Variants in FBXO36 observed in about 807,000 individuals in gnomAD.
FBXO36 encodes the protein F-box protein 36.
FBXO36 carries 18 observed loss-of-function variants against 17.0 expected under a neutral mutation model. The ratio of observed to expected loss-of-function variants is 1.06; its 90% CI spans 0.73 to 1.57. FBXO36 has a LOEUF of 1.57. Among genes scored for constraint, FBXO36 ranks in the 40% most tolerant of loss-of-function variants. FBXO36 has a pLI of 0.00. For missense variants in FBXO36, 229 were observed against 221.9 expected, an observed-to-expected ratio of 1.03 and a Z score of -0.20; for synonymous variants, 83 against 85.3, an observed-to-expected ratio of 0.97 and a Z score of 0.15.
chr2:229,971,767 C>T (rs569120260), intron 1 of FBXO36, among the ~76,000 whole-genome samples: 5 of 152,026 alleles, frequency 3.3e-5, no homozygotes, highest in African/African-American at 7.2e-5. Flanking sequence ...TGGCTCACCA[C>T]GGCCTCAACC....
At chr2:229,996,711 G>T in intron 2 of FBXO36, 40 bp from the exon 3 acceptor site, 2 of 1,556,122 alleles carry the variant, frequency 1.3e-6, no homozygotes, top group South Asian at 2.5e-5. Flanking sequence ...ATTTTTATGT[G>T]ACTGTATATG....
Position 229,947,019 on chromosome 2 carries a change from T to A in FBXO36, c.96+24410T>A, listed in dbSNP as rs543173658. ...CCGTCTCTACTAAAAATACAAAAAA[T>A]TAGCTGGGCATGGTGGCAGGTGCCT... is the stretch of plus-strand genomic sequence containing the variant. On this transcript the variant is annotated intron_variant, in intron 1 of 3. Coordinates refer to ENST00000283946, the MANE Select transcript of FBXO36 (RefSeq NM_174899.5). Among the ~76,000 whole-genome samples, 8 of 151,990 alleles carry A rather than the reference T, an allele frequency of 5.3e-5. No homozygotes were observed. The East Asian group carries it at 1.6e-3, about 29-fold the overall frequency.
intron 1 of FBXO36, among the ~76,000 whole-genome samples, chr2:229,924,381 C>G (rs1207677861): frequency 6.6e-6 from 1 of 152,234 alleles, no homozygotes; most frequent in Non-Finnish European, 1.5e-5. Flanking sequence ...ACTTGAGCCA[C>G]CGAGCCTGGC....
intron 2 of FBXO36, among the ~76,000 whole-genome samples, chr2:229,988,410 C>T (rs771280836): frequency 2.0e-5 from 3 of 152,138 alleles, no homozygotes; most frequent in Non-Finnish European, 4.4e-5. Flanking sequence ...TTCTGGTACC[C>T]GTTTTTTACA....
chr2:229,986,584 G>T (rs1052412152), intron 2 of FBXO36, among the ~76,000 whole-genome samples: 87 of 150,216 alleles, frequency 5.8e-4, no homozygotes, highest in African/African-American at 2.1e-3. Context: ...GCCTAGGCTG[G>T]AGTGCAGTGG....
At chr2:229,939,356 C>T in intron 1 of FBXO36, 1 of 698,038 alleles carries the variant, frequency 1.4e-6, no homozygotes, top group Non-Finnish European at 1.8e-6. Flanking sequence ...ATGAGTCTTC[C>T]TCCTGTCTAA....
At chr2:230,008,957 G>A (rs2077401058) in intron 3 of FBXO36, among the ~76,000 whole-genome samples, 2 of 152,210 alleles carry the variant, frequency 1.3e-5, no homozygotes, top group South Asian at 2.1e-4. Flanking sequence ...TATAATAGCT[G>A]TTGTGTTGAT....
rs1185294721 is a variant in FBXO36 at position 230,007,126 on chromosome 2, C to T, written c.379-3570C>T. 2.0e-5 allele frequency among the ~76,000 whole-genome samples: 3 copies of T among 152,368 alleles called. No individual in the cohort carries two copies. In the East Asian group the frequency reaches 5.8e-4, roughly 29 times the overall value. ...ACTGAGACAAGTTCACCAAGGTGTG[C>T]TGCCATTTGGGCACCTGCCTGGGGT... is the stretch of plus-strand genomic sequence containing the variant. On this transcript the variant is annotated intron_variant, in intron 3 of 3. Transcript: ENST00000283946.
intron 1 of FBXO36, among the ~76,000 whole-genome samples, chr2:229,928,823 T>G (rs182520637): frequency 2.0e-5 from 3 of 152,180 alleles, no homozygotes; most frequent in Admixed American, 2.0e-4. Flanking sequence ...TGTGTAGTGG[T>G]GCAGTCAGCT....
intron 2 of FBXO36, 81 bp from the exon 3 acceptor site, chr2:229,996,670 T>A (rs1314489986): frequency 6.9e-7 from 1 of 1,440,258 alleles, no homozygotes; most frequent in Non-Finnish European, 9.4e-7. Flanking sequence ...AAAAATGCCC[T>A]GAAGCTTGTA....
intron 1 of FBXO36, among the ~76,000 whole-genome samples, chr2:229,924,303 G>C (rs1378139244): frequency 6.6e-6 from 1 of 151,840 alleles, no homozygotes; most frequent in African/African-American, 2.4e-5. Context: ...ATTTTGGCCA[G>C]AGTGGTCTCC....
intron 2 of FBXO36, among the ~76,000 whole-genome samples, chr2:229,987,088 C>T (rs1485459041): frequency 2.0e-5 from 3 of 151,412 alleles, no homozygotes; most frequent in Non-Finnish European, 2.9e-5. Flanking sequence ...GGCGTGTTGG[C>T]GCACAACTGT....
chr2:229,961,975 G>A (rs2077123714), intron 1 of FBXO36, among the ~76,000 whole-genome samples: 1 of 152,076 alleles, frequency 6.6e-6, no homozygotes, highest in Non-Finnish European at 1.5e-5. Context: ...GAGGCCAGGA[G>A]TTTGAGACCA....
intron 1 of FBXO36, among the ~76,000 whole-genome samples, chr2:229,975,693 C>CTAGA (rs2077204331): frequency 6.6e-6 from 1 of 151,998 alleles, no homozygotes; most frequent in Non-Finnish European, 1.5e-5. Flanking sequence ...CCAAGCTGAT[C>CTAGA]TAGAACTCCC....
At chr2:229,986,591 G>T (rs2077269584) in intron 2 of FBXO36, among the ~76,000 whole-genome samples, 1 of 148,304 alleles carries the variant, frequency 6.7e-6, no homozygotes, top group African/African-American at 2.5e-5. Context: ...CTGGAGTGCA[G>T]TGGTGCCATC....
At chr2:230,005,777 C>T (rs547777878) in intron 3 of FBXO36, among the ~76,000 whole-genome samples, 1 of 152,304 alleles carries the variant, frequency 6.6e-6, no homozygotes, top group East Asian at 1.9e-4. Flanking sequence ...CAGTGATTCT[C>T]CTGCCTCAGC....
chr2:230,003,041 G>A (rs906756423), intron 3 of FBXO36, among the ~76,000 whole-genome samples: 3 of 151,492 alleles, frequency 2.0e-5, no homozygotes, highest in Non-Finnish European at 2.9e-5. Context: ...TGAAACCCCC[G>A]TCTCTACCAA....
At chr2:229,988,828 G>GT (rs11321192) in intron 2 of FBXO36, among the ~76,000 whole-genome samples, 2,208 of 129,144 alleles carry the variant, frequency 0.017, 34 homozygotes, top group South Asian at 0.041. Flanking sequence ...ATGCTGGCCT[G>GT]TTTTTTTTTT....
At chr2:229,956,576 C>T (rs1224467534) in intron 1 of FBXO36, among the ~76,000 whole-genome samples, 1 of 152,162 alleles carries the variant, frequency 6.6e-6, no homozygotes, top group African/African-American at 2.4e-5. Context: ...CAGGTGACAA[C>T]TCGTGACAAA....
Sources: gnomAD v4.1 joint callset for allele counts (sites outside exome capture counted in the v4.1 genomes callset) on GRCh38, gnomAD v4.1.1 for gene constraint, MANE v1.5 for transcripts, NCBI Gene and HGNC (gene_info 2026-07-23, HGNC 2026-07-21) for gene names.